AFG2A: variants seen among roughly 807,000 people sequenced by gnomAD.
AFG2A encodes the protein ATPase family gene 2 protein homolog A.
At chr4:123,176,813 TTATCTA>T in the AFG2A span, among the ~76,000 whole-genome samples, 1 of 151,172 alleles carries the variant, frequency 6.6e-6, no homozygotes, top group East Asian at 1.9e-4. Context: ...GCCCAGCATC[TTATCTA>T]TATTTACTAC....
At chr4:123,177,449 AT>A in the AFG2A span, among the ~76,000 whole-genome samples, 2 of 151,980 alleles carry the variant, frequency 1.3e-5, no homozygotes, top group Admixed American at 6.6e-5. Context: ...AAGTGCTCTG[AT>A]TTGGGAGACC....
At chr4:123,158,949 C>T in the AFG2A span, among the ~76,000 whole-genome samples, 3,270 of 152,166 alleles carry the variant, frequency 0.021, 111 homozygotes, top group African/African-American at 0.074. Flanking sequence ...ATATTAATAG[C>T]GAAAACCACA....
the AFG2A span, among the ~76,000 whole-genome samples, chr4:123,185,824 C>T: frequency 6.6e-6 from 1 of 151,594 alleles, no homozygotes. Context: ...AGAAAATATG[C>T]ATTGTACAGT....
the AFG2A span, among the ~76,000 whole-genome samples, chr4:123,307,480 GT>G: frequency 2.0e-5 from 3 of 152,106 alleles, no homozygotes; most frequent in African/African-American, 7.2e-5. Flanking sequence ...AAATTGAAGG[GT>G]TTTTTCCCTC....
the AFG2A span, chr4:123,318,142 A>G: frequency 1.1e-4 from 17 of 152,332 alleles, no homozygotes; most frequent in African/African-American, 4.1e-4. Context: ...AGTGCCCACA[A>G]CCCCATGTTT....
chr4:123,227,848 G>A, the AFG2A span, among the ~76,000 whole-genome samples: 1 of 152,112 alleles, frequency 6.6e-6, no homozygotes, highest in African/African-American at 2.4e-5. Context: ...GGGAGTCTAA[G>A]TCTCTTTGTA....
chr4:123,091,926 C>T, the AFG2A span, among the ~76,000 whole-genome samples: 1 of 152,168 alleles, frequency 6.6e-6, no homozygotes, highest in Non-Finnish European at 1.5e-5. Flanking sequence ...TACATATACA[C>T]ATTCTTTCAG....
the AFG2A span, among the ~76,000 whole-genome samples, chr4:123,012,028 G>T: frequency 1.4e-5 from 2 of 144,588 alleles, no homozygotes; most frequent in African/African-American, 2.6e-5. Flanking sequence ...TGGAGAGAAG[G>T]GGTGAGGGGT....
chr4:123,116,217 G>A, the AFG2A span, among the ~76,000 whole-genome samples: 3 of 152,098 alleles, frequency 2.0e-5, no homozygotes, highest in African/African-American at 7.2e-5. Flanking sequence ...AAAGTTATAA[G>A]TATTTTGACC....
At chr4:123,023,894 G>A in the AFG2A span, among the ~76,000 whole-genome samples, 2 of 151,954 alleles carry the variant, frequency 1.3e-5, no homozygotes, top group African/African-American at 4.8e-5. Flanking sequence ...CCAGCGATTT[G>A]GCTTCCGTTC....
At chr4:123,081,501 G>A in the AFG2A span, among the ~76,000 whole-genome samples, 1 of 152,026 alleles carries the variant, frequency 6.6e-6, no homozygotes. Flanking sequence ...ATATTCCATT[G>A]TCTGGACCTA....
chr4:123,167,630 A>C, the AFG2A span, among the ~76,000 whole-genome samples: 1 of 152,334 alleles, frequency 6.6e-6, no homozygotes, highest in South Asian at 2.1e-4. Context: ...TACAGGCGTG[A>C]GCCACTGTGC....
chr4:122,999,260 C>T, the AFG2A span, among the ~76,000 whole-genome samples: 4 of 151,902 alleles, frequency 2.6e-5, no homozygotes, highest in East Asian at 1.9e-4. Context: ...TTGTAGGTTG[C>T]CTGCTCACTC....
chr4:123,147,029 T>C, the AFG2A span, among the ~76,000 whole-genome samples: 1 of 152,328 alleles, frequency 6.6e-6, no homozygotes, highest in African/African-American at 2.4e-5. Context: ...AACTCCAAGA[T>C]CTATAACATT....
At chr4:122,979,348 C>A in the AFG2A span, 2 of 1,614,016 alleles carry the variant, frequency 1.2e-6, no homozygotes, top group Non-Finnish European at 1.7e-6. Context: ...TGATATCAGA[C>A]CCAGTGCCAT....
the AFG2A span, among the ~76,000 whole-genome samples, chr4:123,288,163 G>T: frequency 6.6e-6 from 1 of 152,094 alleles, no homozygotes; most frequent in Non-Finnish European, 1.5e-5. Flanking sequence ...GTGTTCAGAA[G>T]TGTCATTTCA....
the AFG2A span, among the ~76,000 whole-genome samples, chr4:122,960,321 T>G: frequency 6.6e-6 from 1 of 152,222 alleles, no homozygotes; most frequent in Non-Finnish European, 1.5e-5. Flanking sequence ...TGGGAAAACA[T>G]GAAATATTAA....
the AFG2A span, among the ~76,000 whole-genome samples, chr4:123,185,640 T>C: frequency 6.6e-6 from 1 of 152,222 alleles, no homozygotes. Context: ...AAGACTAGTG[T>C]TACCTAGGAA....
the AFG2A span, among the ~76,000 whole-genome samples, chr4:123,227,200 G>C: frequency 7.2e-5 from 11 of 151,814 alleles, no homozygotes; most frequent in African/African-American, 2.4e-4. Context: ...TTTTTTGTGT[G>C]TCTATTTCCT....
Sources: gnomAD v4.1 joint callset for allele counts (sites outside exome capture counted in the v4.1 genomes callset) on GRCh38, gnomAD v4.1.1 for gene constraint, MANE v1.5 for transcripts, NCBI Gene and HGNC (gene_info 2026-07-23, HGNC 2026-07-21) for gene names.